Variants in RARA observed in about 807,000 individuals in gnomAD.
RARA encodes PML-DDX5-RARA fusion.
A neutral mutation model predicts 42.8 loss-of-function variants in RARA; 5 were observed. The ratio of observed to expected loss-of-function variants is 0.12; its 90% confidence interval spans 0.06 to 0.25. The LOEUF is 0.25. Ranked by LOEUF, RARA falls within the 10% of genes least tolerant of loss-of-function variation. RARA has a pLI of 1.00. For synonymous variants in RARA, 256 were observed against 259.5 expected (o/e 0.99, Z 0.13); for missense variants, 402 against 628.7 (o/e 0.64, Z 3.86).
At chr17:40,315,956 C>A (rs2033205431) in intron 1 of RARA, among the ~76,000 whole-genome samples, 1 of 152,172 alleles carries the variant, frequency 6.6e-6, no homozygotes, top group African/African-American at 2.4e-5. Context: ...CCCTGGGTAC[C>A]CTTCTCTCCT....
intron 1 of RARA, among the ~76,000 whole-genome samples, chr17:40,311,337 C>G (rs2033092178): frequency 6.6e-6 from 1 of 151,938 alleles, no homozygotes; most frequent in South Asian, 2.1e-4. Context: ...GGAAGGGGTG[C>G]CAGAGGAAGC....
intron 1 of RARA, among the ~76,000 whole-genome samples, chr17:40,327,013 C>T (rs1334773252): frequency 6.6e-6 from 1 of 152,126 alleles, no homozygotes; most frequent in African/African-American, 2.4e-5. Flanking sequence ...AGTAAATTTG[C>T]ACTGAAATTT....
At position 40,315,305 on chromosome 17, in the gene RARA, C is replaced by A. The variant is rs564246612; in HGVS notation, c.-363+6019C>A. Reference sequence around the variant, plus strand: ...CTCCTGGCGTCCCATCTTGGCCTCCCAAAGTGCTAGAATTAAAGGTGTGAG... The same window carrying A: ...CTCCTGGCGTCCCATCTTGGCCTCCAAAAGTGCTAGAATTAAAGGTGTGAG... On this transcript the variant is annotated intron_variant, in intron 1 of 8. Transcript: ENST00000254066. Among the ~76,000 whole-genome samples the A allele has an allele frequency of 5.2e-4, 79 of 151,572 alleles. 2 individuals carry two copies. Among genetic ancestry groups the A allele is most frequent in the Non-Finnish European group, 7.4e-5 (5 of 67,916 alleles).
At chr17:40,328,652 T>C (rs1453766232) in intron 1 of RARA, among the ~76,000 whole-genome samples, 4 of 152,224 alleles carry the variant, frequency 2.6e-5, no homozygotes, top group Admixed American at 2.6e-4. Context: ...TAAATGTGCC[T>C]ATCCTGGATA....
chr17:40,331,177 CT>C lies in RARA; in HGVS notation c.-41del. ...GTGGTCTGAAGCCCACCAGAGCCCCCTGCCAGACTGTCTGCCTCCCTTCTGA... is the reference window on the plus strand; with the variant it reads ...GTGGTCTGAAGCCCACCAGAGCCCCCGCCAGACTGTCTGCCTCCCTTCTGA... On this transcript the variant is annotated 5_prime_UTR_variant, in exon 2 of 9. Transcript: ENST00000254066. 6.4e-7 allele frequency: 1 copy of C among 1,560,438 alleles called. No homozygotes were observed.
intron 1 of RARA, among the ~76,000 whole-genome samples, chr17:40,314,760 G>A (rs2033159690): frequency 6.6e-6 from 1 of 151,990 alleles, no homozygotes; most frequent in South Asian, 2.1e-4. Context: ...GGCTGGCAAG[G>A]TGCCAGGCTC....
At chr17:40,347,596 A>T (rs1048874626) in intron 2 of RARA, among the ~76,000 whole-genome samples, 1 of 151,768 alleles carries the variant, frequency 6.6e-6, no homozygotes, top group Non-Finnish European at 1.5e-5. Context: ...ATGGGAACAG[A>T]CCCCCTTTGT....
intron 2 of RARA, chr17:40,341,631 G>A: frequency 5.2e-6 from 7 of 1,346,794 alleles, no homozygotes; most frequent in Non-Finnish European, 6.7e-6. Flanking sequence ...TGGGTCACTC[G>A]GAGGTGAGGC....
intron 2 of RARA, among the ~76,000 whole-genome samples, chr17:40,340,009 AC>A (rs1428342555): frequency 6.6e-6 from 1 of 151,900 alleles, no homozygotes; most frequent in Admixed American, 6.6e-5. Flanking sequence ...CCCCACATCC[AC>A]CTGTCCAGCA....
At chr17:40,341,428 C>A (rs1222734867) in intron 2 of RARA, 1 of 1,526,718 alleles carries the variant, frequency 6.5e-7, no homozygotes, top group African/African-American at 1.4e-5. Context: ...GTGTCTCATT[C>A]CGACACAGCG....
Position 40,341,823 on chromosome 17 carries a change from G to T in RARA, c.179-6493G>T, listed in dbSNP as rs548571900. On this transcript the variant is annotated intron_variant, in intron 2 of 8. Coordinates refer to ENST00000254066, the MANE Select transcript of RARA (RefSeq NM_000964.4). ...GACCAAACCTTGGGGGAGCCTGGGA[G>T]CCGGAACTGGTACAAGGGAGGACGC... 1.9e-5 allele frequency: 22 copies of T among 1,151,654 alleles called. No homozygotes were observed. In the African/African-American group the frequency reaches 3.6e-4, roughly 19 times the overall value. The allele number at this position is 1,151,654 out of a possible 1,614,324, so 71.3% of individuals were successfully genotyped here. A position where few individuals can be genotyped will look rare whatever the true frequency, so the allele number is the denominator to read the frequency against.
intron 1 of RARA, among the ~76,000 whole-genome samples, chr17:40,323,814 G>A (rs2033462039): frequency 7.7e-6 from 1 of 129,320 alleles, no homozygotes; most frequent in African/African-American, 2.9e-5. Flanking sequence ...GAGCCAAAAG[G>A]ATATCCTGAG....
In RARA at chr17:40,357,260, C is replaced by T. The variant is rs970681274; in HGVS notation, c.*1034C>T. The T allele has an allele frequency of 9.3e-5, 22 of 236,646 alleles. 1 individual carries two copies. In the South Asian group the frequency reaches 2.6e-3, roughly 28 times the overall value. The allele number at this position is 236,646 out of a possible 1,614,324, so 14.7% of individuals were successfully genotyped here. On this transcript the variant is annotated 3_prime_UTR_variant, in exon 9 of 9. Coordinates refer to ENST00000254066, the MANE Select transcript of RARA (RefSeq NM_000964.4). ...ACTGTGAAGGGGCTGGCCAGGGGCCCGAGCTGCCCCCACCCCCGGCCTCAG... is the reference window on the plus strand; with the variant it reads ...ACTGTGAAGGGGCTGGCCAGGGGCCTGAGCTGCCCCCACCCCCGGCCTCAG...
intron 6 of RARA, among the ~76,000 whole-genome samples, chr17:40,353,624 T>C (rs1284441940): frequency 2.6e-5 from 4 of 152,062 alleles, no homozygotes; most frequent in Non-Finnish European, 5.9e-5. Context: ...ACCCGGCTAA[T>C]TTTTGTATTT....
At chr17:40,341,288 C>G in intron 2 of RARA, 1 of 1,370,404 alleles carries the variant, frequency 7.3e-7, no homozygotes, top group Non-Finnish European at 9.5e-7. Context: ...GGGCTTTGCT[C>G]GCCGGAAGCA....
At position 40,357,037 on chromosome 17, in the gene RARA, C is replaced by T. The variant is rs1026591491; in HGVS notation, c.*811C>T. ...TGGAGAAGCCGCCAGCCCCTTTCTC[C>T]CTCTGCCTGACCACTGGGTGTGGAC... is the stretch of plus-strand genomic sequence containing the variant. On this transcript the variant is annotated 3_prime_UTR_variant, in exon 9 of 9. Transcript: ENST00000254066. 2 of 385,700 alleles carry T rather than the reference C, an allele frequency of 5.2e-6. No homozygotes were observed. The highest frequency in any genetic ancestry group is 2.7e-5 in the South Asian group (1 of 37,694). 23.9% of individuals were successfully genotyped at this position (385,700 alleles called of 1,614,324 possible).
rs577124421 is a variant in RARA at position 40,351,229 on chromosome 17, C to T, written c.470-681C>T. ...GCCAGCTACCCCCACCTCGCTACCC[C>T]CTCCCTGAGCCCCTCCCCCACCCTC... On this transcript the variant is annotated intron_variant, in intron 4 of 8. Coordinates refer to ENST00000254066, the MANE Select transcript of RARA (RefSeq NM_000964.4). The surrounding 1 kb of genome is among the most constrained non-coding windows in gnomAD (Gnocchi z 4.1). Among the ~76,000 whole-genome samples the T allele has an allele frequency of 7.9e-5, 12 of 151,902 alleles. No individual in the cohort carries two copies. The highest frequency in any genetic ancestry group is 6.6e-4 in the Admixed American group (10 of 15,262).
At position 40,355,188 on chromosome 17, in the gene RARA, G is replaced by A. The variant is rs2143536391; in HGVS notation, c.1013-75G>A. 1 of 1,488,838 alleles carries A rather than the reference G, an allele frequency of 6.7e-7. No homozygotes were observed. The highest frequency in any genetic ancestry group is 9.0e-7 in the Non-Finnish European group (1 of 1,112,782). 92.2% of individuals were successfully genotyped at this position (1,488,838 alleles called of 1,614,324 possible). ...CTGCCCTCCTCCATGGCCTGGGCAG[G>A]CACGCCCCCCGGTGGCCGAGGCTGG... On this transcript the variant is annotated intron_variant, in intron 7 of 8. Coordinates refer to ENST00000254066, the MANE Select transcript of RARA (RefSeq NM_000964.4). This position sits in a 1 kb window ranked among gnomAD's most constrained non-coding sequence, Gnocchi z 4.1.
intron 2 of RARA, chr17:40,342,802 G>T: frequency 6.2e-7 from 1 of 1,612,828 alleles, no homozygotes; most frequent in Middle Eastern, 1.7e-4. Context: ...CCAGAGAAGG[G>T]GCTCCCCGCC....
Sources: allele counts gnomAD v4.1 joint callset (sites outside exome capture counted in the v4.1 genomes callset), GRCh38; gene constraint gnomAD v4.1.1; non-coding constraint Gnocchi (gnomAD v3.1); transcripts MANE v1.5; gene names NCBI Gene and HGNC (gene_info 2026-07-23, HGNC 2026-07-21).